The following BMP5 variants were observed in gnomAD, a reference collection of about 807,000 sequenced individuals.
The protein encoded by BMP5 is bone morphogenetic protein 5.
A neutral mutation model predicts 46.6 loss-of-function variants in BMP5; 23 were observed. The observed-to-expected ratio is 0.49, with a 90% CI of 0.35 to 0.70. The LOEUF is 0.70. Among genes scored for constraint, BMP5 ranks in the 30% least tolerant of loss-of-function variants. The pLI is 0.00. For missense variants in BMP5, 545 were observed against 565.6 expected (o/e 0.96, Z 0.37); for synonymous variants, 204 against 191.9 (o/e 1.06, Z -0.52).
intron 3 of BMP5, among the ~76,000 whole-genome samples, chr6:55,784,899 G>A (rs1256262084): frequency 6.6e-6 from 1 of 151,742 alleles, no homozygotes; most frequent in Admixed American, 6.6e-5. Flanking sequence ...ATATAAGAGG[G>A]TGGCTCTGAA....
At chr6:55,759,717 A>T (rs1348746478) in intron 5 of BMP5, among the ~76,000 whole-genome samples, 1 of 151,944 alleles carries the variant, frequency 6.6e-6, no homozygotes. Flanking sequence ...TGAACATGAT[A>T]AATTTCGGGA....
intron 3 of BMP5, among the ~76,000 whole-genome samples, chr6:55,777,716 G>A (rs1317569764): frequency 6.6e-6 from 1 of 151,932 alleles, no homozygotes; most frequent in African/African-American, 2.4e-5. Context: ...AGAAAAAGAT[G>A]AGCTGCAGTG....
At chr6:55,866,751 C>A (rs1224911895) in intron 1 of BMP5, among the ~76,000 whole-genome samples, 1 of 151,978 alleles carries the variant, frequency 6.6e-6, no homozygotes, top group Non-Finnish European at 1.5e-5. Context: ...TTTCAATTTT[C>A]TCTAAAATGG....
Position 55,875,098 on chromosome 6 carries a change from TC to T in BMP5, c.-234del. On this transcript the variant is annotated 5_prime_UTR_variant, in exon 1 of 7. It introduces an in-frame stop codon into an upstream open reading frame of the 5' UTR. Transcript: ENST00000370830. Reference sequence around the variant, plus strand: ...TTCTAAGAAAGCTGAAACTCAGATTTCCAATTATCCACAGTTGTTAAGAGTT... The same window carrying T: ...TTCTAAGAAAGCTGAAACTCAGATTTCAATTATCCACAGTTGTTAAGAGTT... 1 of 477,032 alleles carries T rather than the reference TC, an allele frequency of 2.1e-6. No homozygotes were observed. The highest frequency in any genetic ancestry group is 2.4e-5 in the South Asian group (1 of 42,538). 29.5% of individuals were successfully genotyped at this position (477,032 alleles called of 1,614,324 possible).
In BMP5 at chr6:55,831,812, T is replaced by A. The variant is rs558396274; in HGVS notation, c.491-11965A>T. Among the ~76,000 whole-genome samples the A allele has an allele frequency of 1.1e-4, 17 of 152,248 alleles. No individual in the cohort carries two copies. In the East Asian group the frequency reaches 3.1e-3, roughly 28 times the overall value. On this transcript the variant is annotated intron_variant, in intron 1 of 6. Transcript: ENST00000370830. Reference sequence around the variant, plus strand: ...CCAGCTCAGTGGACACACATCGTTGTGAACATTTAGAACACTGGAGGCGAA... The same window carrying A: ...CCAGCTCAGTGGACACACATCGTTGAGAACATTTAGAACACTGGAGGCGAA...
chr6:55,863,431 A>C (rs1446018947), intron 1 of BMP5, among the ~76,000 whole-genome samples: 2 of 152,160 alleles, frequency 1.3e-5, no homozygotes, highest in Non-Finnish European at 2.9e-5. Context: ...TAAGTTATTT[A>C]CCCTCAGAAC....
chr6:55,758,079 C>T (rs1215864850), intron 6 of BMP5, among the ~76,000 whole-genome samples: 1 of 151,940 alleles, frequency 6.6e-6, no homozygotes, highest in Non-Finnish European at 1.5e-5. Flanking sequence ...ACCTCACCCA[C>T]AAAGACAAGA....
rs78854146 is a variant in BMP5 at position 55,809,021 on chromosome 6, T to C, written c.683+10634A>G. 1.5e-3 allele frequency among the ~76,000 whole-genome samples: 235 copies of C among 152,316 alleles called. 1 individual carries two copies. Among genetic ancestry groups the C allele is most frequent in the Non-Finnish European group, 2.9e-3 (197 of 68,024 alleles). ...GTGCCTGCTTAATTTCAACGCTGAC[T>C]TGCTATACTCAGGCTTTACTTAATA... is the stretch of plus-strand genomic sequence containing the variant. On this transcript the variant is annotated intron_variant, in intron 2 of 6. Coordinates refer to ENST00000370830, the MANE Select transcript of BMP5 (RefSeq NM_021073.4).
At chr6:55,771,998 T>C (rs1775057024) in intron 4 of BMP5, among the ~76,000 whole-genome samples, 1 of 151,918 alleles carries the variant, frequency 6.6e-6, no homozygotes, top group Non-Finnish European at 1.5e-5. Context: ...CTATGAGGAT[T>C]TTCCCAGACT....
chr6:55,823,562 G>A (rs3823040), intron 1 of BMP5, among the ~76,000 whole-genome samples: 15,541 of 151,940 alleles, frequency 0.1, 899 homozygotes, highest in East Asian at 0.14. Flanking sequence ...ACTTGTAATC[G>A]AAAGATAACA....
chr6:55,845,401 G>GA lies in BMP5; in HGVS notation c.491-25555dup, dbSNP rs1015177174. Among the ~76,000 whole-genome samples the GA allele has an allele frequency of 6.4e-4, 95 of 148,188 alleles. No individual in the cohort carries two copies. In the South Asian group the frequency reaches 0.017, roughly 26 times the overall value. On this transcript the variant is annotated intron_variant, in intron 1 of 6. Coordinates refer to ENST00000370830, the MANE Select transcript of BMP5 (RefSeq NM_021073.4). Reference sequence around the variant, plus strand: ...ACAATGGGTCTATGGAGCAACTCTTGAAAAAAAAAATGATCTGGATGCTTT... The same window carrying GA: ...ACAATGGGTCTATGGAGCAACTCTTGAAAAAAAAAAATGATCTGGATGCTTT...
intron 1 of BMP5, among the ~76,000 whole-genome samples, chr6:55,829,979 T>G (rs1001860065): frequency 6.6e-6 from 1 of 152,006 alleles, no homozygotes; most frequent in Non-Finnish European, 1.5e-5. Flanking sequence ...AAAGTATGGT[T>G]GTTTTGTGTG....
intron 1 of BMP5, among the ~76,000 whole-genome samples, chr6:55,842,337 C>G (rs1776982181): frequency 6.6e-6 from 1 of 152,102 alleles, no homozygotes; most frequent in Non-Finnish European, 1.5e-5. Context: ...GTTCTCTCCA[C>G]CCTGATTGGA....
chr6:55,836,346 C>T (rs747349669), intron 1 of BMP5, among the ~76,000 whole-genome samples: 4 of 152,000 alleles, frequency 2.6e-5, no homozygotes, highest in Admixed American at 2.0e-4. Flanking sequence ...AATTATATAA[C>T]GTGTGTATGT....
chr6:55,777,634 A>G (rs1775207713), intron 3 of BMP5, among the ~76,000 whole-genome samples: 2 of 152,004 alleles, frequency 1.3e-5, no homozygotes, highest in African/African-American at 4.8e-5. Context: ...TAGCTAGAAC[A>G]GTGATAGATT....
chr6:55,763,094 C>T (rs1774826414), intron 4 of BMP5, among the ~76,000 whole-genome samples: 1 of 151,948 alleles, frequency 6.6e-6, no homozygotes, highest in Non-Finnish European at 1.5e-5. Context: ...GGTTATTAGG[C>T]CTTACTTTTT....
At chr6:55,833,804 T>C (rs1776719720) in intron 1 of BMP5, among the ~76,000 whole-genome samples, 1 of 152,188 alleles carries the variant, frequency 6.6e-6, no homozygotes, top group South Asian at 2.1e-4. Flanking sequence ...TCATGCAGGA[T>C]ATCCCATGTT....
intron 3 of BMP5, among the ~76,000 whole-genome samples, chr6:55,786,663 C>T (rs1206949890): frequency 6.6e-6 from 1 of 151,588 alleles, no homozygotes; most frequent in African/African-American, 2.4e-5. Context: ...GCTAATTATC[C>T]TTAAACATTA....
intron 4 of BMP5, among the ~76,000 whole-genome samples, chr6:55,764,523 G>T (rs1774871574): frequency 6.8e-6 from 1 of 147,698 alleles, no homozygotes; most frequent in Admixed American, 6.9e-5. Flanking sequence ...CAGTGAGCGA[G>T]ATGGTGCCAC....
Sources: gnomAD v4.1 joint callset for allele counts (sites outside exome capture counted in the v4.1 genomes callset) on GRCh38, gnomAD v4.1.1 for gene constraint, MANE v1.5 for transcripts, NCBI Gene and HGNC (gene_info 2026-07-23, HGNC 2026-07-21) for gene names.